The following CCDC91 variants were observed in gnomAD, a reference collection of about 807,000 sequenced individuals.
The protein encoded by CCDC91 is coiled-coil domain containing 91.
CCDC91 carries 48 observed loss-of-function variants against 63.2 expected under a neutral mutation model. The ratio of observed to expected loss-of-function variants is 0.76; its 90% CI spans 0.60 to 0.97. The LOEUF (loss-of-function observed/expected upper bound fraction) is 0.97. Among genes scored for constraint, CCDC91 ranks in the 50% least tolerant of loss-of-function variants. The pLI is 0.00. For missense variants in CCDC91, 500 were observed against 494.6 expected (o/e 1.01, Z -0.10); for synonymous variants, 167 against 165.8 (o/e 1.01, Z -0.06).
At chr12:28,538,677 G>A (rs1942386209) in intron 12 of CCDC91, among the ~76,000 whole-genome samples, 1 of 152,122 alleles carries the variant, frequency 6.6e-6, no homozygotes, top group Admixed American at 6.5e-5. Context: ...CTGAGGAATT[G>A]CCACACTGAC....
chr12:28,526,481 C>A (rs1159950017), intron 12 of CCDC91, among the ~76,000 whole-genome samples: 1 of 152,124 alleles, frequency 6.6e-6, no homozygotes, highest in African/African-American at 2.4e-5. Flanking sequence ...TATTGTTAAT[C>A]TGATTGGTTT....
intron 8 of CCDC91, among the ~76,000 whole-genome samples, chr12:28,433,775 A>C (rs1565965336): frequency 6.6e-6 from 1 of 151,912 alleles, no homozygotes; most frequent in African/African-American, 2.4e-5. Context: ...ATTTCATTGA[A>C]ACTCTAGACC....
At chr12:28,264,612 T>TGTGTGTGC (rs1555169669) in intron 3 of CCDC91, among the ~76,000 whole-genome samples, 4 of 150,876 alleles carry the variant, frequency 2.7e-5, no homozygotes, top group Admixed American at 1.3e-4. Flanking sequence ...TGTGTGTGTG[T>TGTGTGTGC]GTGTGTGTAT....
At chr12:28,505,047 A>G (rs1938530299) in intron 12 of CCDC91, among the ~76,000 whole-genome samples, 1 of 151,960 alleles carries the variant, frequency 6.6e-6, no homozygotes. Context: ...GGAATGAACT[A>G]ATTTTCACCT....
intron 3 of CCDC91, among the ~76,000 whole-genome samples, chr12:28,262,604 T>C (rs1258835329): frequency 2.6e-5 from 4 of 152,164 alleles, no homozygotes; most frequent in Middle Eastern, 3.4e-3. Context: ...ATTATTTACA[T>C]AGTGAACTCT....
chr12:28,305,919 C>T, intron 4 of CCDC91, 113 bp downstream of exon 4: 1 of 837,018 alleles, frequency 1.2e-6, no homozygotes, highest in South Asian at 1.9e-5. Flanking sequence ...AGAAGTATTT[C>T]TGCAATAGAT....
At chr12:28,516,822 A>G (rs1375441423) in intron 12 of CCDC91, among the ~76,000 whole-genome samples, 1 of 151,892 alleles carries the variant, frequency 6.6e-6, no homozygotes, top group Non-Finnish European at 1.5e-5. Context: ...TAATGACATT[A>G]GTTATCCCTT....
intron 1 of CCDC91, among the ~76,000 whole-genome samples, chr12:28,233,212 T>G (rs1944718023): frequency 6.6e-6 from 1 of 152,096 alleles, no homozygotes; most frequent in African/African-American, 2.4e-5. Flanking sequence ...CCTCAGAGAA[T>G]TCCCTCATTC....
intron 12 of CCDC91, among the ~76,000 whole-genome samples, chr12:28,486,640 T>TA (rs1951742914): frequency 6.6e-6 from 1 of 152,086 alleles, no homozygotes; most frequent in Non-Finnish European, 1.5e-5. Flanking sequence ...GAAATGCCTT[T>TA]TTAAGAGATA....
intron 1 of CCDC91, among the ~76,000 whole-genome samples, chr12:28,218,343 T>C (rs1253317237): frequency 1.3e-5 from 2 of 152,176 alleles, no homozygotes; most frequent in Non-Finnish European, 2.9e-5. Context: ...TAAAAGTCTC[T>C]AATAGAAAGC....
At chr12:28,259,812 TTAAATTTAGAA>T (rs1946710661) in intron 3 of CCDC91, among the ~76,000 whole-genome samples, 1 of 151,908 alleles carries the variant, frequency 6.6e-6, no homozygotes, top group Admixed American at 6.6e-5. Flanking sequence ...TCCAACATAT[TTAAATTTAGAA>T]GTGTGTTTGC....
intron 1 of CCDC91, among the ~76,000 whole-genome samples, chr12:28,194,494 A>G (rs1050240071): frequency 5.9e-5 from 9 of 152,090 alleles, no homozygotes; most frequent in Non-Finnish European, 1.3e-4. Flanking sequence ...TGGTGGGTCC[A>G]TGGTCTTGCC....
intron 1 of CCDC91, among the ~76,000 whole-genome samples, chr12:28,221,807 A>T (rs1271154869): frequency 6.6e-6 from 1 of 152,088 alleles, no homozygotes; most frequent in Non-Finnish European, 1.5e-5. Context: ...TCCCACGTTT[A>T]TGTAGGTTAG....
At chr12:28,432,748 T>A (rs1299446529) in intron 8 of CCDC91, among the ~76,000 whole-genome samples, 2 of 152,104 alleles carry the variant, frequency 1.3e-5, no homozygotes, top group African/African-American at 4.8e-5. Context: ...AGAAGTGTGA[T>A]TTCTGGATTG....
chr12:28,477,749 A>C (rs1041849723), intron 11 of CCDC91, among the ~76,000 whole-genome samples: 1 of 152,208 alleles, frequency 6.6e-6, no homozygotes, highest in Admixed American at 6.5e-5. Context: ...TAAGCTGATA[A>C]GCAACTTCAG....
At chr12:28,343,139 G>A (rs1353172793) in intron 6 of CCDC91, among the ~76,000 whole-genome samples, 1 of 151,618 alleles carries the variant, frequency 6.6e-6, no homozygotes, top group African/African-American at 2.4e-5. Flanking sequence ...AATATGTTGA[G>A]AGAGACTGAA....
chr12:28,283,811 A>C (rs1365133250), intron 3 of CCDC91, among the ~76,000 whole-genome samples: 2 of 152,162 alleles, frequency 1.3e-5, no homozygotes, highest in Non-Finnish European at 2.9e-5. Context: ...GTCACATGGG[A>C]TCAAGTGCAG....
chr12:28,375,090 G>A (rs887444237), intron 7 of CCDC91, among the ~76,000 whole-genome samples: 2 of 151,434 alleles, frequency 1.3e-5, no homozygotes, highest in Non-Finnish European at 2.9e-5. Flanking sequence ...CTGGATCAGA[G>A]CCCCACTTCT....
intron 12 of CCDC91, among the ~76,000 whole-genome samples, chr12:28,507,750 TA>T (rs1477449120): frequency 1.3e-5 from 2 of 151,960 alleles, no homozygotes; most frequent in African/African-American, 4.8e-5. Flanking sequence ...CAGTTTGCCT[TA>T]GGTCAGATGC....
Sources: gnomAD v4.1 joint callset for allele counts (sites outside exome capture counted in the v4.1 genomes callset) on GRCh38, gnomAD v4.1.1 for gene constraint, MANE v1.5 for transcripts, NCBI Gene and HGNC (gene_info 2026-07-23, HGNC 2026-07-21) for gene names.